Variants in DYM observed in about 807,000 individuals in gnomAD.
The protein encoded by DYM is dyggve-Melchior-Clausen syndrome protein.
In DYM, 78 loss-of-function variants were observed where a neutral mutation model predicts 93.1. That is an observed-to-expected ratio of 0.84 (90% CI 0.70 to 1.01). DYM has a LOEUF of 1.01. DYM is among the 50% of genes least tolerant of loss of function. DYM has a pLI of 0.00. For synonymous variants in DYM, 321 were observed against 319.7 expected (o/e 1.00, Z -0.04); for missense variants, 789 against 845.0 (o/e 0.93, Z 0.82).
In DYM at chr18:49,452,233, G is replaced by A. The variant is rs112937622; in HGVS notation, c.-54+8165C>T. ...GCTCTCGCTGGCTTAGGAGTGAAGC[G>A]GCAGACCTTCGCGGTGAGTGTTACA... On this transcript the variant is annotated intron_variant, in intron 1 of 17. Coordinates refer to ENST00000675505, the MANE Select transcript of DYM (RefSeq NM_001353214.3). Among the ~76,000 whole-genome samples the A allele has an allele frequency of 7.9e-3, 1,210 of 152,202 alleles. 33 individuals carry two copies. Among genetic ancestry groups the A allele is most frequent in the South Asian group, 0.076 (365 of 4,822 alleles).
intron 13 of DYM, among the ~76,000 whole-genome samples, chr18:49,253,504 T>A (rs1223293855): frequency 3.3e-5 from 5 of 152,184 alleles, no homozygotes; most frequent in African/African-American, 1.2e-4. Flanking sequence ...CTCAAAAGTG[T>A]TTTCTAAACT....
intron 14 of DYM, among the ~76,000 whole-genome samples, chr18:49,199,299 G>A (rs4939848): frequency 0.14 from 21,592 of 152,166 alleles, 2,028 homozygotes; most frequent in East Asian, 0.24. Context: ...AATGGGTGCA[G>A]CACACCAACA....
intron 8 of DYM, among the ~76,000 whole-genome samples, chr18:49,325,342 C>T (rs1321373537): frequency 6.6e-6 from 1 of 152,098 alleles, no homozygotes; most frequent in Admixed American, 6.5e-5. Flanking sequence ...TCAAAAAATC[C>T]CTAGTTACAT....
At chr18:49,327,132 TAAC>T (rs1268406639) in intron 8 of DYM, among the ~76,000 whole-genome samples, 1 of 151,870 alleles carries the variant, frequency 6.6e-6, no homozygotes, top group Non-Finnish European at 1.5e-5. Context: ...GATAAAATGT[TAAC>T]AATAAATCAA....
chr18:49,063,020 G>T (rs1011754964), intron 17 of DYM, among the ~76,000 whole-genome samples: 2 of 152,192 alleles, frequency 1.3e-5, no homozygotes, highest in African/African-American at 4.8e-5. Context: ...TCGGTTTTTA[G>T]CCACCTCTCA....
intron 7 of DYM, among the ~76,000 whole-genome samples, chr18:49,332,506 A>G (rs1325136254): frequency 2.0e-5 from 3 of 152,360 alleles, no homozygotes; most frequent in African/African-American, 7.2e-5. Context: ...GAAGGGAAGT[A>G]GTAATAAAGA....
intron 13 of DYM, among the ~76,000 whole-genome samples, chr18:49,219,340 G>A (rs924713218): frequency 2.0e-5 from 3 of 152,158 alleles, no homozygotes; most frequent in African/African-American, 7.2e-5. Context: ...AGGAGGAACT[G>A]GTACCATTCC....
chr18:49,279,172 G>A (rs2094913725), intron 10 of DYM, among the ~76,000 whole-genome samples: 1 of 152,150 alleles, frequency 6.6e-6, no homozygotes, highest in African/African-American at 2.4e-5. Flanking sequence ...TAATTAACTT[G>A]TTTTGAGTTA....
At chr18:49,372,361 T>C (rs892690112) in intron 5 of DYM, among the ~76,000 whole-genome samples, 1 of 152,228 alleles carries the variant, frequency 6.6e-6, no homozygotes, top group Admixed American at 6.5e-5. Context: ...TAATTACATA[T>C]GCCAAAAACA....
At chr18:49,275,718 AT>A (rs1287640747) in intron 10 of DYM, among the ~76,000 whole-genome samples, 2 of 151,766 alleles carry the variant, frequency 1.3e-5, no homozygotes, top group African/African-American at 4.8e-5. Context: ...CTCTATCTCT[AT>A]TTTTTTTATG....
chr18:49,276,825 G>C (rs6507895), intron 10 of DYM, among the ~76,000 whole-genome samples: 2 of 151,982 alleles, frequency 1.3e-5, no homozygotes, highest in African/African-American at 2.4e-5. Flanking sequence ...CTGGAAACAG[G>C]ATAAAAAATA....
rs191213744 is a variant in DYM, at chr18:49,257,456, A to C, written c.1366-352T>G. On this transcript the variant is annotated intron_variant, in intron 12 of 17. Coordinates refer to ENST00000675505, the MANE Select transcript of DYM (RefSeq NM_001353214.3). ...ATAATTATCTTTCTAAAATCCAAAAACTTCTGCTTTCTAAAACATAGCTGG... is the reference window on the plus strand; with the variant it reads ...ATAATTATCTTTCTAAAATCCAAAACCTTCTGCTTTCTAAAACATAGCTGG... Among the ~76,000 whole-genome samples, 319 of 152,288 alleles carry C rather than the reference A, an allele frequency of 2.1e-3. 2 individuals are homozygous for C. Among genetic ancestry groups the C allele is most frequent in the Middle Eastern group, 6.8e-3 (2 of 294 alleles).
intron 2 of DYM, among the ~76,000 whole-genome samples, chr18:49,409,298 A>G (rs12604472): frequency 0.088 from 13,334 of 150,794 alleles, 797 homozygotes; most frequent in East Asian, 0.3. Flanking sequence ...AAAAAAAAAA[A>G]AGAAAAAAAA....
intron 13 of DYM, among the ~76,000 whole-genome samples, chr18:49,253,972 G>A (rs1316678730): frequency 6.6e-6 from 1 of 151,978 alleles, no homozygotes; most frequent in African/African-American, 2.4e-5. Flanking sequence ...GATCCCCATA[G>A]AGGTCCACAG....
chr18:49,364,728 G>A (rs146139991), intron 5 of DYM, among the ~76,000 whole-genome samples: 174 of 152,194 alleles, frequency 1.1e-3, no homozygotes, highest in African/African-American at 3.9e-3. Flanking sequence ...TCTTCCTCCA[G>A]TACTGCAGTG....
intron 15 of DYM, among the ~76,000 whole-genome samples, chr18:49,145,174 G>A (rs959495923): frequency 7.6e-5 from 9 of 119,126 alleles, no homozygotes; most frequent in Non-Finnish European, 1.6e-4. Flanking sequence ...TCCCCAATGG[G>A]AAAACAAAAT....
At chr18:49,156,103 G>A (rs572302417) in intron 15 of DYM, among the ~76,000 whole-genome samples, 1 of 152,250 alleles carries the variant, frequency 6.6e-6, no homozygotes, top group South Asian at 2.1e-4. Context: ...TGTGTGAAGT[G>A]GTATCTCATG....
intron 13 of DYM, among the ~76,000 whole-genome samples, chr18:49,255,333 G>C (rs2094369538): frequency 6.6e-6 from 1 of 152,064 alleles, no homozygotes; most frequent in Non-Finnish European, 1.5e-5. Flanking sequence ...AGCTGTGGTT[G>C]CTCCACTGCA....
At chr18:49,185,398 A>T (rs896396101) in intron 14 of DYM, among the ~76,000 whole-genome samples, 11 of 152,230 alleles carry the variant, frequency 7.2e-5, no homozygotes, top group African/African-American at 2.7e-4. Context: ...ATTCTATTAT[A>T]TGACTGTGGA....
Sources: gnomAD v4.1 joint callset for allele counts (sites outside exome capture counted in the v4.1 genomes callset) on GRCh38, gnomAD v4.1.1 for gene constraint, MANE v1.5 for transcripts, NCBI Gene and HGNC (gene_info 2026-07-23, HGNC 2026-07-21) for gene names.